Variants in ARK2N observed in about 807,000 individuals in gnomAD.
ARK2N encodes arkadia (RNF111) N-terminal like PKA signaling regulator 2N, also known as protein ARK2N.
At chr18:46,214,941 C>T in the ARK2N span, among the ~76,000 whole-genome samples, 1 of 152,326 alleles carries the variant, frequency 6.6e-6, no homozygotes, top group Admixed American at 6.5e-5. Context: ...GAGGGGACTG[C>T]AGACAAGTTG....
At chr18:46,221,579 G>T in the ARK2N span, among the ~76,000 whole-genome samples, 5 of 143,878 alleles carry the variant, frequency 3.5e-5, no homozygotes, top group Admixed American at 7.0e-5. Context: ...AAGGTATTTT[G>T]ATGTTAATTT....
chr18:46,195,807 C>T, the ARK2N span, among the ~76,000 whole-genome samples: 2 of 151,938 alleles, frequency 1.3e-5, no homozygotes, highest in African/African-American at 4.8e-5. Context: ...AACTCCTGAC[C>T]TCAAGTGATC....
the ARK2N span, among the ~76,000 whole-genome samples, chr18:46,220,129 C>G: frequency 6.6e-6 from 1 of 152,146 alleles, no homozygotes; most frequent in Non-Finnish European, 1.5e-5. Flanking sequence ...TGGTTAAATG[C>G]TTATTCACAC....
chr18:46,240,895 A>G, the ARK2N span, among the ~76,000 whole-genome samples: 5 of 152,138 alleles, frequency 3.3e-5, no homozygotes, highest in African/African-American at 1.2e-4. Context: ...TCTAATTTAA[A>G]CCTTGTTTTG....
the ARK2N span, among the ~76,000 whole-genome samples, chr18:46,188,385 G>T: frequency 6.6e-6 from 1 of 152,112 alleles, no homozygotes; most frequent in Non-Finnish European, 1.5e-5. Flanking sequence ...TTTTTTAGTA[G>T]AGATGGGGTT....
the ARK2N span, chr18:46,265,130 T>G: frequency 6.6e-6 from 1 of 152,594 alleles, no homozygotes; most frequent in African/African-American, 2.4e-5. Flanking sequence ...TTACACATAG[T>G]TTTTGACTTG....
the ARK2N span, among the ~76,000 whole-genome samples, chr18:46,239,379 A>G: frequency 6.6e-6 from 1 of 152,236 alleles, no homozygotes; most frequent in East Asian, 1.9e-4. Flanking sequence ...AAGATATCCA[A>G]AGCAAAATCC....
the ARK2N span, among the ~76,000 whole-genome samples, chr18:46,238,710 A>G: frequency 6.6e-6 from 1 of 152,186 alleles, no homozygotes; most frequent in South Asian, 2.1e-4. Context: ...TTTTATTTAA[A>G]AAATATTACT....
the ARK2N span, chr18:46,232,182 A>G: frequency 1.1e-4 from 17 of 152,224 alleles, no homozygotes; most frequent in African/African-American, 3.9e-4. Flanking sequence ...TTTAACATAT[A>G]GCTGACTTTG....
At chr18:46,253,039 A>G in the ARK2N span, among the ~76,000 whole-genome samples, 1 of 152,230 alleles carries the variant, frequency 6.6e-6, no homozygotes, top group Non-Finnish European at 1.5e-5. Flanking sequence ...TCAGCAATGT[A>G]CAAGTTACAT....
chr18:46,244,603 T>TTTTTTTTTTTTC, the ARK2N span, among the ~76,000 whole-genome samples: 1 of 136,974 alleles, frequency 7.3e-6, no homozygotes, highest in African/African-American at 2.7e-5. Context: ...GAGTTTAGAT[T>TTTTTTTTTTTTC]TTTTTTTTTT....
At chr18:46,237,274 TGTCA>T in the ARK2N span, among the ~76,000 whole-genome samples, 1 of 152,158 alleles carries the variant, frequency 6.6e-6, no homozygotes, top group African/African-American at 2.4e-5. Context: ...GAATCTTACC[TGTCA>T]TTTACTTCTG....
At chr18:46,222,736 G>A in the ARK2N span, among the ~76,000 whole-genome samples, 1 of 152,110 alleles carries the variant, frequency 6.6e-6, no homozygotes, top group Non-Finnish European at 1.5e-5. Context: ...GCAGTTTTAA[G>A]TTCGTAGCAA....
At chr18:46,216,326 C>A in the ARK2N span, 1 of 1,614,048 alleles carries the variant, frequency 6.2e-7, no homozygotes, top group Non-Finnish European at 8.5e-7. The surrounding 1 kb of genome is among the most constrained non-coding windows in gnomAD (Gnocchi z 4.3). Context: ...GAAAGTGAAA[C>A]TTCCACTATG....
At chr18:46,177,086 T>C in the ARK2N span, among the ~76,000 whole-genome samples, 11 of 152,210 alleles carry the variant, frequency 7.2e-5, no homozygotes, top group Non-Finnish European at 1.6e-4. Context: ...CTTTAAGGAA[T>C]AGTGATTTCA....
the ARK2N span, among the ~76,000 whole-genome samples, chr18:46,179,131 A>G: frequency 1.3e-5 from 2 of 151,782 alleles, no homozygotes; most frequent in African/African-American, 4.8e-5. Context: ...TTTGGTAGAG[A>G]CGAAGTTTCA....
At chr18:46,181,708 C>T in the ARK2N span, among the ~76,000 whole-genome samples, 3 of 151,996 alleles carry the variant, frequency 2.0e-5, no homozygotes, top group Non-Finnish European at 1.5e-5. Context: ...GAGCGAGACT[C>T]CGTCTCAAAA....
the ARK2N span, among the ~76,000 whole-genome samples, chr18:46,179,421 T>A: frequency 6.6e-6 from 1 of 152,294 alleles, no homozygotes; most frequent in Admixed American, 6.5e-5. Flanking sequence ...CCTTTACCTG[T>A]ACCTCTTTTC....
chr18:46,214,294 G>T, the ARK2N span, among the ~76,000 whole-genome samples: 18 of 152,218 alleles, frequency 1.2e-4, no homozygotes, highest in Admixed American at 1.0e-3. Context: ...CTAGCATACC[G>T]TATAGAATAA....
Sources: gnomAD v4.1 joint callset for allele counts (sites outside exome capture counted in the v4.1 genomes callset) on GRCh38, gnomAD v4.1.1 for gene constraint, Gnocchi (gnomAD v3.1) non-coding constraint, MANE v1.5 for transcripts, NCBI Gene and HGNC (gene_info 2026-07-23, HGNC 2026-07-21) for gene names.